The following UQCC1 variants were observed in gnomAD, a reference collection of about 807,000 sequenced individuals.
The protein encoded by UQCC1 is bFGF-repressed Zic-binding protein.
Under a neutral mutation model 48.0 loss-of-function variants are expected in UQCC1, and 38 were observed. The observed-to-expected ratio is 0.79, with a 90% confidence interval of 0.61 to 1.04. The LOEUF (loss-of-function observed/expected upper bound fraction) is 1.04, where lower values mean the gene tolerates loss of function less well. Among genes scored for constraint, UQCC1 ranks in the 50% least tolerant of loss-of-function variants. UQCC1 has a pLI of 0.00. For synonymous variants in UQCC1, 111 were observed against 129.2 expected, an observed-to-expected ratio of 0.86 and a Z score of 0.95; for missense variants, 368 against 381.8, an observed-to-expected ratio of 0.96 and a Z score of 0.30.
In UQCC1 at chr20:35,303,804, G is replaced by T. The variant is rs2060896361; in HGVS notation, c.*131C>A. On this transcript the variant is annotated 3_prime_UTR_variant, in exon 10 of 10. Transcript: ENST00000374385. Reference sequence around the variant, plus strand: ...CTAAGAGGAAACTCAACACAAATGGGGCCAGGTATTTGACAGATGCTGTTC... The same window carrying T: ...CTAAGAGGAAACTCAACACAAATGGTGCCAGGTATTTGACAGATGCTGTTC... The T allele has an allele frequency of 3.1e-6, 4 of 1,271,630 alleles. No individual in the cohort carries two copies. In the African/African-American group the frequency reaches 5.9e-5, roughly 19 times the overall value. The allele number at this position is 1,271,630 out of a possible 1,614,324, so 78.8% of individuals were successfully genotyped here.
At chr20:35,391,956 T>A (rs2062019111) in intron 2 of UQCC1, among the ~76,000 whole-genome samples, 1 of 152,148 alleles carries the variant, frequency 6.6e-6, no homozygotes, top group African/African-American at 2.4e-5. Flanking sequence ...AGAGGCTAAT[T>A]AAGACAAAGC....
At chr20:35,409,021 T>C (rs1806376664) in intron 1 of UQCC1, among the ~76,000 whole-genome samples, 1 of 152,164 alleles carries the variant, frequency 6.6e-6, no homozygotes, top group African/African-American at 2.4e-5. Context: ...AGTAGAATGG[T>C]GGCTGCCAGG....
In UQCC1 at chr20:35,302,989, T is replaced by C. The variant is rs1287050109; in HGVS notation, c.*946A>G. ...CCCGCACTGAGGGAGGAGGGGCTGG[T>C]CCTCAGGTGCTCAGACCAAGGTGGC... On this transcript the variant is annotated 3_prime_UTR_variant, in exon 10 of 10. Coordinates refer to ENST00000374385, the MANE Select transcript of UQCC1 (RefSeq NM_018244.5). 6.6e-6 allele frequency: 1 copy of C among 152,062 alleles called. No homozygotes were observed. The highest frequency in any genetic ancestry group is 1.5e-5 in the Non-Finnish European group (1 of 68,034). 9.4% of individuals were successfully genotyped at this position (152,062 alleles called of 1,614,324 possible).
At chr20:35,321,252 CTGTG>C (rs58532328) in intron 7 of UQCC1, among the ~76,000 whole-genome samples, 4,019 of 147,280 alleles carry the variant, frequency 0.027, 164 homozygotes, top group African/African-American at 0.086. Context: ...ACAAACAAAA[CTGTG>C]TGTGTGTGTG....
intron 5 of UQCC1, among the ~76,000 whole-genome samples, chr20:35,370,670 C>G (rs1230267324): frequency 1.3e-5 from 2 of 152,198 alleles, no homozygotes; most frequent in African/African-American, 4.8e-5. Flanking sequence ...CCCTAGGTAA[C>G]TACTTCAAAG....
chr20:35,361,567 G>A (rs909430855), intron 6 of UQCC1, among the ~76,000 whole-genome samples: 5 of 152,190 alleles, frequency 3.3e-5, no homozygotes, highest in Non-Finnish European at 5.9e-5. Flanking sequence ...CTATGTTTAA[G>A]TAGGTACTTT....
chr20:35,309,808 C>G (rs1458064607), intron 8 of UQCC1, among the ~76,000 whole-genome samples: 2 of 152,222 alleles, frequency 1.3e-5, no homozygotes, highest in Admixed American at 1.3e-4. Flanking sequence ...TTTGACATCA[C>G]TATGTGCTCA....
chr20:35,313,497 C>CAGT, intron 8 of UQCC1, among the ~76,000 whole-genome samples: 1 of 151,890 alleles, frequency 6.6e-6, no homozygotes, highest in Middle Eastern at 3.5e-3. Flanking sequence ...AGTGTAACTC[C>CAGT]AGTTGCATAA....
intron 6 of UQCC1, among the ~76,000 whole-genome samples, chr20:35,354,396 CTT>C (rs11477242): frequency 4.5e-4 from 65 of 145,158 alleles, no homozygotes; most frequent in Admixed American, 4.8e-4. Flanking sequence ...GGCAAATTCT[CTT>C]TTTTTTTTTT....
intron 7 of UQCC1, among the ~76,000 whole-genome samples, chr20:35,340,193 G>C (rs2061361611): frequency 6.6e-6 from 1 of 152,158 alleles, no homozygotes; most frequent in African/African-American, 2.4e-5. Flanking sequence ...CTGACCAGTT[G>C]TAAAACTGCC....
intron 7 of UQCC1, chr20:35,346,929 C>T: frequency 9.0e-6 from 13 of 1,440,292 alleles, no homozygotes; most frequent in Middle Eastern, 2.5e-4. Context: ...ATCCCATCTC[C>T]ATACAGGATG....
In UQCC1 at chr20:35,303,111, C is replaced by T. The variant is rs988963658; in HGVS notation, c.*824G>A. The T allele has an allele frequency of 6.6e-6, 1 of 152,180 alleles. No individual in the cohort carries two copies. The highest frequency in any genetic ancestry group is 1.5e-5 in the Non-Finnish European group (1 of 68,042). 9.4% of individuals were successfully genotyped at this position (152,180 alleles called of 1,614,324 possible). A position where few individuals can be genotyped will look rare whatever the true frequency, so the allele number is the denominator to read the frequency against. On this transcript the variant is annotated 3_prime_UTR_variant, in exon 10 of 10. Coordinates refer to ENST00000374385, the MANE Select transcript of UQCC1 (RefSeq NM_018244.5). ...AGCCAGGAGGAATGTTCTCTTCTCCCCAGTATCTCATGAAAGGGGAGGCCA... is the reference window on the plus strand; with the variant it reads ...AGCCAGGAGGAATGTTCTCTTCTCCTCAGTATCTCATGAAAGGGGAGGCCA...
chr20:35,365,336 G>A (rs2061654067), intron 6 of UQCC1, among the ~76,000 whole-genome samples: 1 of 152,154 alleles, frequency 6.6e-6, no homozygotes, highest in African/African-American at 2.4e-5. Flanking sequence ...GATATGGTGT[G>A]CACTTACTAA....
intron 1 of UQCC1, among the ~76,000 whole-genome samples, chr20:35,400,662 A>AC (rs2062150993): frequency 6.6e-6 from 1 of 151,770 alleles, no homozygotes; most frequent in Non-Finnish European, 1.5e-5. Flanking sequence ...CGCCTGGCTA[A>AC]TTTTTTGTAT....
rs189009670 is a variant in UQCC1 at position 35,392,910 on chromosome 20, T to C, written c.129+1182A>G. On this transcript the variant is annotated intron_variant, in intron 2 of 9. Transcript: ENST00000374385. ...ACTACAGATAAAAATCATAAATTGG[T>C]AAGAAAAATGAGTTCCCAATAGATG... Among the ~76,000 whole-genome samples the C allele has an allele frequency of 1.4e-4, 22 of 152,008 alleles. No individual in the cohort carries two copies. The East Asian group carries it at 4.0e-3, about 28-fold the overall frequency.
chr20:35,306,406 G>C (rs2060928791), intron 9 of UQCC1: 1 of 449,546 alleles, frequency 2.2e-6, no homozygotes, highest in Non-Finnish European at 4.1e-6. Context: ...GGTGCACAGT[G>C]AATGAATGAC....
intron 3 of UQCC1, 60 bp from the exon 4 acceptor site, chr20:35,382,085 T>C: frequency 9.4e-7 from 1 of 1,067,982 alleles, no homozygotes; most frequent in Non-Finnish European, 1.4e-6. Context: ...ATAGAATGCT[T>C]TGTTCCTCAT....
At chr20:35,409,000 C>G (rs561483337) in intron 1 of UQCC1, among the ~76,000 whole-genome samples, 2 of 152,094 alleles carry the variant, frequency 1.3e-5, no homozygotes, top group South Asian at 2.1e-4. Context: ...GTTAAACTCA[C>G]GGAGACAGAA....
At chr20:35,356,408 A>T (rs973636843) in intron 6 of UQCC1, among the ~76,000 whole-genome samples, 2 of 151,850 alleles carry the variant, frequency 1.3e-5, no homozygotes, top group African/African-American at 4.8e-5. Flanking sequence ...TTATCTGGCA[A>T]TTTTTCCTAT....
Sources: allele counts gnomAD v4.1 joint callset (sites outside exome capture counted in the v4.1 genomes callset), GRCh38; gene constraint gnomAD v4.1.1; transcripts MANE v1.5; gene names NCBI Gene and HGNC (gene_info 2026-07-23, HGNC 2026-07-21).